Variants in MAN1A1 observed in about 807,000 individuals in gnomAD.
The protein encoded by MAN1A1 is mannosidase alpha class 1A member 1, also known as mannosyl-oligosaccharide 1,2-alpha-mannosidase IA.
In MAN1A1, 29 loss-of-function variants were observed where a neutral mutation model predicts 70.8. The observed-to-expected ratio is 0.41, with a 90% CI of 0.31 to 0.56. The LOEUF (loss-of-function observed/expected upper bound fraction) is 0.56. Among genes scored for constraint, MAN1A1 ranks in the 20% least tolerant of loss-of-function variants. The pLI, the probability that MAN1A1 is intolerant of heterozygous loss-of-function variation, is 0.29. For synonymous variants in MAN1A1, 349 were observed against 330.1 expected, an observed-to-expected ratio of 1.06 and a Z score of -0.62; for missense variants, 747 against 841.3, an observed-to-expected ratio of 0.89 and a Z score of 1.39.
chr6:119,300,941 G>C lies in MAN1A1; in HGVS notation c.816+1047C>G, dbSNP rs9489677. On this transcript the variant is annotated intron_variant, in intron 4 of 12. Coordinates refer to ENST00000368468, the MANE Select transcript of MAN1A1 (RefSeq NM_005907.4). ...TTTATATAAGTTTTTAATTGAAATA[G>C]ATGGGGGAAAGACTTAGCTTTACTG... 1.3e-3 allele frequency among the ~76,000 whole-genome samples: 205 copies of C among 152,290 alleles called. 1 individual carries two copies. Among genetic ancestry groups the C allele is most frequent in the African/African-American group, 4.8e-3 (201 of 41,562 alleles).
intron 6 of MAN1A1, among the ~76,000 whole-genome samples, chr6:119,242,108 G>A (rs1357781224): frequency 6.8e-6 from 1 of 147,534 alleles, no homozygotes; most frequent in African/African-American, 2.6e-5. Context: ...AGGGCTATGT[G>A]GCTATTTATA....
At chr6:119,274,519 C>CT (rs1776002765) in intron 5 of MAN1A1, among the ~76,000 whole-genome samples, 1 of 152,070 alleles carries the variant, frequency 6.6e-6, no homozygotes, top group African/African-American at 2.4e-5. Context: ...AAGGTATTAC[C>CT]TTTTCCCTTC....
chr6:119,303,991 C>G (rs1278085520), intron 3 of MAN1A1, among the ~76,000 whole-genome samples: 3 of 152,206 alleles, frequency 2.0e-5, no homozygotes, highest in Non-Finnish European at 4.4e-5. Flanking sequence ...CGATCCTGCA[C>G]TCAGGAGCAC....
At chr6:119,240,673 C>T (rs1306741781) in intron 6 of MAN1A1, among the ~76,000 whole-genome samples, 1 of 152,236 alleles carries the variant, frequency 6.6e-6, no homozygotes, top group East Asian at 1.9e-4. Flanking sequence ...CAAATTCCTA[C>T]CGCCTCACAA....
intron 2 of MAN1A1, among the ~76,000 whole-genome samples, chr6:119,314,687 C>G (rs1772804297): frequency 6.6e-6 from 1 of 152,152 alleles, no homozygotes; most frequent in African/African-American, 2.4e-5. Context: ...GAAGGCAGCT[C>G]TATCTGGGGT....
rs548977643 is a variant in MAN1A1, at chr6:119,254,084, A to G, written c.898-5730T>C. Among the ~76,000 whole-genome samples the G allele has an allele frequency of 2.6e-5, 4 of 152,358 alleles. No homozygotes were observed. The South Asian group carries it at 8.3e-4, about 32-fold the overall frequency. On this transcript the variant is annotated intron_variant, in intron 5 of 12. Coordinates refer to ENST00000368468, the MANE Select transcript of MAN1A1 (RefSeq NM_005907.4). ...TTCTACCTAAACTGGTGAGCTTATA[A>G]TAAAACTAGCTTGTAAAATTAAAAT...
intron 5 of MAN1A1, among the ~76,000 whole-genome samples, chr6:119,254,082 T>C (rs965087532): frequency 2.5e-4 from 38 of 152,192 alleles, no homozygotes; most frequent in Non-Finnish European, 2.4e-4. Context: ...GGTGAGCTTA[T>C]AATAAAACTA....
chr6:119,192,777 C>T (rs1342802899), intron 9 of MAN1A1, among the ~76,000 whole-genome samples: 1 of 152,020 alleles, frequency 6.6e-6, no homozygotes, highest in Non-Finnish European at 1.5e-5. Context: ...ATCGCAAAAG[C>T]ACCTGATTCC....
chr6:119,287,996 T>C (rs1776425109), intron 5 of MAN1A1, among the ~76,000 whole-genome samples: 1 of 152,050 alleles, frequency 6.6e-6, no homozygotes, highest in African/African-American at 2.4e-5. Context: ...TTAACTGAGC[T>C]ACGAGGTTTC....
At chr6:119,298,394 T>C (rs1772280093) in intron 4 of MAN1A1, among the ~76,000 whole-genome samples, 1 of 152,162 alleles carries the variant, frequency 6.6e-6, no homozygotes, top group Non-Finnish European at 1.5e-5. Flanking sequence ...GAAATGAGTT[T>C]TAGTTAATTA....
chr6:119,227,023 T>C (rs151023346), intron 6 of MAN1A1, among the ~76,000 whole-genome samples: 16 of 152,206 alleles, frequency 1.1e-4, no homozygotes, highest in Non-Finnish European at 2.4e-4. Flanking sequence ...AAATTAGAGA[T>C]AACACAAACA....
At chr6:119,343,244 G>A (rs1281327281) in intron 2 of MAN1A1, among the ~76,000 whole-genome samples, 3 of 152,064 alleles carry the variant, frequency 2.0e-5, no homozygotes, top group Admixed American at 6.5e-5. Context: ...TAGTAAGCAC[G>A]GATAATTTAT....
intron 5 of MAN1A1, among the ~76,000 whole-genome samples, chr6:119,252,470 G>A (rs1041904556): frequency 1.3e-5 from 2 of 152,182 alleles, no homozygotes; most frequent in Non-Finnish European, 2.9e-5. Flanking sequence ...CCCAGGAACT[G>A]CTAACAAACA....
intron 5 of MAN1A1, among the ~76,000 whole-genome samples, chr6:119,259,632 T>C (rs1775553117): frequency 6.6e-6 from 1 of 152,170 alleles, no homozygotes; most frequent in African/African-American, 2.4e-5. Flanking sequence ...AGTATATAGT[T>C]TTATTTCAGC....
chr6:119,224,323 C>G (rs150709685), intron 6 of MAN1A1, among the ~76,000 whole-genome samples: 1 of 152,146 alleles, frequency 6.6e-6, no homozygotes. Flanking sequence ...ATACAGGAAG[C>G]GAAATCCTTA....
intron 6 of MAN1A1, among the ~76,000 whole-genome samples, chr6:119,226,180 A>G (rs1774508590): frequency 6.6e-6 from 1 of 152,242 alleles, no homozygotes; most frequent in Admixed American, 6.5e-5. Context: ...TAACATGTCT[A>G]AAGAGGACTC....
At chr6:119,286,626 C>T (rs746894118) in intron 5 of MAN1A1, among the ~76,000 whole-genome samples, 1 of 152,028 alleles carries the variant, frequency 6.6e-6, no homozygotes, top group African/African-American at 2.4e-5. Context: ...GTGTCTTTTA[C>T]CAGTCTTGGA....
chr6:119,189,798 A>G lies in MAN1A1; in HGVS notation c.1412T>C (p.Met471Thr). 6.2e-7 allele frequency: 1 copy of G among 1,614,132 alleles called. No individual in the cohort carries two copies. Among genetic ancestry groups the G allele is most frequent in the Non-Finnish European group, 8.5e-7 (1 of 1,180,010 alleles). ...CCCCGCGAAGCAGGTCAGGTGGCCC[A>G]TCTTGTGCTCCAGGAGGCCCCCTTT... The part of the protein sequence containing the change: ...EWKGGLLEHK[M>T]GHLTCFAGGM... The change falls in exon 10 of 13, where the codon ATG becomes ACG. Residue 471 changes from methionine to threonine, a missense_variant. Met to Thr is a moderately conservative substitution (Grantham distance 81). Around this residue, in one of 2 missense-constraint regions of MAN1A1, gnomAD observed 419 missense variants for 548.2 expected, o/e 0.76. Transcript: ENST00000368468.
At chr6:119,236,133 T>TAAAAAAAAA (rs367861780) in intron 6 of MAN1A1, among the ~76,000 whole-genome samples, 1 of 137,044 alleles carries the variant, frequency 7.3e-6, no homozygotes. Flanking sequence ...AGACTCCGTC[T>TAAAAAAAAA]AAAAAAAAAA....
Sources: gnomAD v4.1 joint callset for allele counts (sites outside exome capture counted in the v4.1 genomes callset) on GRCh38, gnomAD v4.1.1 for gene constraint, gnomAD v4.1.1 regional missense constraint, MANE v1.5 for transcripts, NCBI Gene and HGNC (gene_info 2026-07-23, HGNC 2026-07-21) for gene names.